The following DIAPH2 variants were observed in gnomAD, a reference collection of about 807,000 sequenced individuals.
DIAPH2 encodes the protein protein diaphanous homolog 2.
DIAPH2 carries 35 observed loss-of-function variants against 92.7 expected under a neutral mutation model. The ratio of observed to expected loss-of-function variants is 0.38; its 90% CI spans 0.29 to 0.50. The LOEUF (loss-of-function observed/expected upper bound fraction) is 0.50, where lower values mean the gene tolerates loss of function less well. Among genes scored for constraint, DIAPH2 ranks in the 20% least tolerant of loss-of-function variants. The pLI is 0.94. For missense variants in DIAPH2, 701 were observed against 819.5 expected (o/e 0.86, Z 1.77); for synonymous variants, 301 against 280.4 (o/e 1.07, Z -0.73).
intron 5 of DIAPH2, among the ~76,000 whole-genome samples, chrX:96,890,536 A>G (rs941245227): frequency 9.0e-6 from 1 of 111,566 alleles, no homozygotes; most frequent in African/African-American, 3.3e-5. Flanking sequence ...TGTTCATTAG[A>G]ACCCACACCG....
intron 17 of DIAPH2, among the ~76,000 whole-genome samples, chrX:97,013,432 A>T (rs1213242066): frequency 9.0e-6 from 1 of 111,540 alleles, no homozygotes; most frequent in Non-Finnish European, 1.9e-5. Context: ...AGGGAGAGTT[A>T]TTTCTCCAGG....
intron 5 of DIAPH2, chrX:96,884,261 C>T: frequency 4.5e-6 from 5 of 1,119,667 alleles, no homozygotes; most frequent in Non-Finnish European, 6.0e-6. Context: ...GTCCGTGGAG[C>T]CCCAGACGAG....
chrX:96,773,695 T>C (rs1392947241), intron 4 of DIAPH2, among the ~76,000 whole-genome samples: 2 of 110,115 alleles, frequency 1.8e-5, no homozygotes, highest in Non-Finnish European at 3.8e-5. Flanking sequence ...ACTAATAATA[T>C]CAAAATTAGC....
rs142916977 is a variant in DIAPH2 at position 97,564,091 on chromosome X, A to G, written c.3242-35162A>G. 1.5e-3 allele frequency among the ~76,000 whole-genome samples: 169 copies of G among 112,190 alleles called. 6 individuals are homozygous for G. In the East Asian group the frequency reaches 0.025, roughly 17 times the overall value. On this transcript the variant is annotated intron_variant, in intron 26 of 26. Coordinates refer to ENST00000324765, the MANE Select transcript of DIAPH2 (RefSeq NM_006729.5). ...GAAAATTCCCTGTTATGAAAGACCA[A>G]AACAATTAGTGCTCTTCTCTTGGAA... is the stretch of plus-strand genomic sequence containing the variant.
intron 17 of DIAPH2, among the ~76,000 whole-genome samples, chrX:97,020,907 A>G (rs893630502): frequency 3.6e-5 from 4 of 112,203 alleles, no homozygotes; most frequent in African/African-American, 1.3e-4. Flanking sequence ...ACCATGGATA[A>G]GGAGGGACTA....
At chrX:97,486,800 T>C (rs1862087138) in intron 26 of DIAPH2, among the ~76,000 whole-genome samples, 1 of 112,113 alleles carries the variant, frequency 8.9e-6, no homozygotes, top group Non-Finnish European at 1.9e-5. Flanking sequence ...TACCCTCTTA[T>C]CAAATCTTTA....
chrX:96,768,315 T>A (rs2064316870), intron 4 of DIAPH2, among the ~76,000 whole-genome samples: 1 of 112,013 alleles, frequency 8.9e-6, no homozygotes, highest in African/African-American at 3.2e-5. Flanking sequence ...AAAGCATTTG[T>A]CTCGTCATCA....
intron 21 of DIAPH2, among the ~76,000 whole-genome samples, chrX:97,137,180 C>T (rs2067175827): frequency 2.9e-5 from 3 of 104,073 alleles, no homozygotes; most frequent in Admixed American, 1.1e-4. Flanking sequence ...TCACTTGCAC[C>T]TAACTCTAGC....
Position 97,142,311 on chromosome X carries a change from T to A in DIAPH2, c.2719+517T>A, listed in dbSNP as rs139306178. Reference sequence around the variant, plus strand: ...CTTGAATGGGTGGGTAAGAGAAGGCTTCATGGAAGAGGTCAAAGGTGAAAT... The same window carrying A: ...CTTGAATGGGTGGGTAAGAGAAGGCATCATGGAAGAGGTCAAAGGTGAAAT... On this transcript the variant is annotated intron_variant, in intron 22 of 26. Transcript: ENST00000324765. 6.6e-3 allele frequency among the ~76,000 whole-genome samples: 741 copies of A among 111,713 alleles called. 6 individuals are homozygous for A. The highest frequency in any genetic ancestry group is 0.023 in the African/African-American group (711 of 30,793).
chrX:97,522,954 T>G (rs913152383), intron 26 of DIAPH2, among the ~76,000 whole-genome samples: 2 of 111,963 alleles, frequency 1.8e-5, no homozygotes, highest in African/African-American at 3.2e-5. Flanking sequence ...CTTTTAACAC[T>G]TTACATGACA....
intron 4 of DIAPH2, among the ~76,000 whole-genome samples, chrX:96,770,184 C>T (rs1322883438): frequency 5.0e-5 from 5 of 100,794 alleles, no homozygotes; most frequent in Non-Finnish European, 7.9e-5. Flanking sequence ...GGTGACAGAG[C>T]GAGACTGTGT....
chrX:97,552,689 T>G (rs2071229067), intron 26 of DIAPH2, among the ~76,000 whole-genome samples: 1 of 111,507 alleles, frequency 9.0e-6, no homozygotes, highest in African/African-American at 3.3e-5. Flanking sequence ...AATATATGTG[T>G]TCCTATATGA....
At chrX:97,341,649 G>A (rs1426711889) in intron 23 of DIAPH2, among the ~76,000 whole-genome samples, 2 of 110,591 alleles carry the variant, frequency 1.8e-5, no homozygotes, top group African/African-American at 6.6e-5. Context: ...TGAGAACCAG[G>A]GGAGCCAATT....
intron 1 of DIAPH2, among the ~76,000 whole-genome samples, chrX:96,700,306 A>G (rs1003967627): frequency 8.9e-6 from 1 of 112,412 alleles, no homozygotes; most frequent in African/African-American, 3.2e-5. Flanking sequence ...TCTGGCCTGA[A>G]TTTTAGATTC....
chrX:97,160,806 A>C (rs945719833), intron 22 of DIAPH2, among the ~76,000 whole-genome samples: 14 of 111,772 alleles, frequency 1.3e-4, no homozygotes, highest in Admixed American at 3.8e-4. Flanking sequence ...AAATAGATTA[A>C]ACACATAGAA....
intron 26 of DIAPH2, among the ~76,000 whole-genome samples, chrX:97,484,669 C>T (rs1010269297): frequency 1.3e-4 from 14 of 111,693 alleles, no homozygotes; most frequent in South Asian, 3.7e-4. Flanking sequence ...GAGGCCGAGG[C>T]GGGCAGATCA....
rs942830588 is a variant in DIAPH2 at position 97,432,966 on chromosome X, G to C, written c.3241+3221G>C. ...AAATTTTATATGTAAACAAGATGAG[G>C]TGATAGTCTGTATTCTTCATTAGAA... On this transcript the variant is annotated intron_variant, in intron 26 of 26. Transcript: ENST00000324765. Among the ~76,000 whole-genome samples, 5 of 111,653 alleles carry C rather than the reference G, an allele frequency of 4.5e-5. No individual in the cohort carries two copies. In the Admixed American group the frequency reaches 4.8e-4, roughly 11 times the overall value.
At chrX:97,457,729 C>T (rs2070420376) in intron 26 of DIAPH2, among the ~76,000 whole-genome samples, 1 of 111,897 alleles carries the variant, frequency 8.9e-6, no homozygotes, top group Admixed American at 9.5e-5. Flanking sequence ...TATGTTGAAA[C>T]ATAATCCCAA....
chrX:96,782,349 G>T (rs972112839), intron 4 of DIAPH2, among the ~76,000 whole-genome samples: 2 of 111,086 alleles, frequency 1.8e-5, no homozygotes, highest in Non-Finnish European at 3.8e-5. Flanking sequence ...TAGATGGGGT[G>T]CAGTGGCGCG....
Sources: gnomAD v4.1 joint callset for allele counts (sites outside exome capture counted in the v4.1 genomes callset) on GRCh38, gnomAD v4.1.1 for gene constraint, MANE v1.5 for transcripts, NCBI Gene and HGNC (gene_info 2026-07-23, HGNC 2026-07-21) for gene names.